Variants in ENOX1 observed in about 807,000 individuals in gnomAD.
The protein encoded by ENOX1 is candidate growth-related and time keeping constitutive hydroquinone (NADH) oxidase.
Under a neutral mutation model 82.5 loss-of-function variants are expected in ENOX1, and 42 were observed. The observed-to-expected ratio is 0.51, with a 90% CI of 0.40 to 0.66. The LOEUF (loss-of-function observed/expected upper bound fraction) is 0.66. Among genes scored for constraint, ENOX1 ranks in the 30% least tolerant of loss-of-function variants. ENOX1 has a pLI of 0.00. For missense variants in ENOX1, 608 were observed against 811.6 expected, an observed-to-expected ratio of 0.75 and a Z score of 3.05; for synonymous variants, 271 against 282.2, an observed-to-expected ratio of 0.96 and a Z score of 0.40.
At chr13:43,670,746 G>A (rs2085221623) in intron 1 of ENOX1, among the ~76,000 whole-genome samples, 1 of 152,108 alleles carries the variant, frequency 6.6e-6, no homozygotes, top group Non-Finnish European at 1.5e-5. Context: ...AGGAGGCTGA[G>A]GCAGGAGAAT....
chr13:43,651,398 A>G (rs567608112), intron 2 of ENOX1, among the ~76,000 whole-genome samples: 97 of 152,218 alleles, frequency 6.4e-4, no homozygotes, highest in African/African-American at 2.2e-3. Flanking sequence ...CCTTGTGATA[A>G]AAGACTTCAC....
rs570329061 is a variant in ENOX1 at position 43,324,663 on chromosome 13, C to T, written c.1143+1756G>A. On this transcript the variant is annotated intron_variant, in intron 10 of 16. Coordinates refer to ENST00000690772, the MANE Select transcript of ENOX1 (RefSeq NM_001347969.2). ...AAAGTAGCAGGAAGGCAAAAAGACCCTTCGCAGGAGCACCTTTGACAGCTG... is the reference window on the plus strand; with the variant it reads ...AAAGTAGCAGGAAGGCAAAAAGACCTTTCGCAGGAGCACCTTTGACAGCTG... Among the ~76,000 whole-genome samples the T allele has an allele frequency of 2.0e-5, 3 of 152,256 alleles. No homozygotes were observed. In the South Asian group the frequency reaches 6.2e-4, roughly 32 times the overall value.
At chr13:43,543,203 C>T (rs1233632532) in intron 2 of ENOX1, among the ~76,000 whole-genome samples, 3 of 151,944 alleles carry the variant, frequency 2.0e-5, no homozygotes, top group Non-Finnish European at 4.4e-5. Context: ...TATAGTGATG[C>T]TTCTCCTGGG....
At chr13:43,664,415 G>A (rs1431392403) in intron 2 of ENOX1, among the ~76,000 whole-genome samples, 11 of 152,148 alleles carry the variant, frequency 7.2e-5, no homozygotes, top group Admixed American at 2.0e-4. Context: ...ATACACATAA[G>A]TTAATTATTA....
intron 14 of ENOX1, among the ~76,000 whole-genome samples, chr13:43,247,196 A>G (rs532830856): frequency 6.6e-6 from 1 of 152,278 alleles, no homozygotes; most frequent in Admixed American, 6.5e-5. Flanking sequence ...TGCGCCTGTA[A>G]TCCCAGCTAC....
chr13:43,425,446 T>A (rs1490485121), intron 3 of ENOX1, among the ~76,000 whole-genome samples: 1 of 152,198 alleles, frequency 6.6e-6, no homozygotes, highest in Non-Finnish European at 1.5e-5. Context: ...CCGTCCCCCA[T>A]TAACACATTC....
intron 12 of ENOX1, among the ~76,000 whole-genome samples, chr13:43,273,908 T>C (rs1415395450): frequency 6.6e-6 from 1 of 152,182 alleles, no homozygotes; most frequent in East Asian, 1.9e-4. Flanking sequence ...ACCTCTAATA[T>C]ATAATAGCTG....
chr13:43,734,540 A>C (rs12431115), intron 1 of ENOX1, among the ~76,000 whole-genome samples: 58,419 of 152,126 alleles, frequency 0.38, 14,408 homozygotes, highest in Non-Finnish European at 0.56. Context: ...TCCTAAGGAA[A>C]TCCTCCTGGA....
intron 1 of ENOX1, among the ~76,000 whole-genome samples, chr13:43,677,095 A>T (rs1215155383): frequency 6.6e-6 from 1 of 151,710 alleles, no homozygotes; most frequent in East Asian, 1.9e-4. Flanking sequence ...TTACTTCTGG[A>T]CACATCACTT....
chr13:43,556,097 C>A (rs570169249), intron 2 of ENOX1, among the ~76,000 whole-genome samples: 1 of 152,266 alleles, frequency 6.6e-6, no homozygotes, highest in South Asian at 2.1e-4. Context: ...CAAAAAGCAT[C>A]CCATGGTGAG....
chr13:43,705,992 A>T (rs553734286), intron 1 of ENOX1, among the ~76,000 whole-genome samples: 1 of 152,098 alleles, frequency 6.6e-6, no homozygotes, highest in East Asian at 1.9e-4. Context: ...ATTTAATAAG[A>T]TATCAATATT....
intron 12 of ENOX1, among the ~76,000 whole-genome samples, chr13:43,296,613 C>T (rs745372034): frequency 1.3e-5 from 2 of 152,174 alleles, no homozygotes; most frequent in African/African-American, 2.4e-5. Flanking sequence ...TTATGAGAAG[C>T]TCCCTTAACT....
intron 2 of ENOX1, among the ~76,000 whole-genome samples, chr13:43,490,634 T>G (rs2076586802): frequency 6.6e-6 from 1 of 152,158 alleles, no homozygotes; most frequent in African/African-American, 2.4e-5. Flanking sequence ...CACACAGCAT[T>G]TGGATAATTG....
chr13:43,684,206 A>G (rs1008380117), intron 1 of ENOX1, among the ~76,000 whole-genome samples: 1 of 151,586 alleles, frequency 6.6e-6, no homozygotes, highest in Non-Finnish European at 1.5e-5. Flanking sequence ...TTAGCCGTTT[A>G]TGAAATTGTC....
At chr13:43,544,183 G>A (rs368443014) in intron 2 of ENOX1, 2 of 152,086 alleles carry the variant, frequency 1.3e-5, no homozygotes, top group East Asian at 3.9e-4. Context: ...CCCAGCCTAA[G>A]CTACTGTCTA....
At chr13:43,775,205 A>C (rs1415100333) in intron 1 of ENOX1, among the ~76,000 whole-genome samples, 2 of 152,112 alleles carry the variant, frequency 1.3e-5, no homozygotes, top group Non-Finnish European at 2.9e-5. Context: ...CTGGAGTATA[A>C]TGGCATGATC....
At chr13:43,559,105 C>A (rs1338941894) in intron 2 of ENOX1, among the ~76,000 whole-genome samples, 1 of 152,176 alleles carries the variant, frequency 6.6e-6, no homozygotes, top group African/African-American at 2.4e-5. Flanking sequence ...TCAGCTAAAT[C>A]TGGCAAACTC....
In ENOX1 at chr13:43,296,293, A is replaced by G. The variant is rs143256836; in HGVS notation, c.1446+2053T>C. Among the ~76,000 whole-genome samples the G allele has an allele frequency of 7.9e-4, 121 of 152,310 alleles. No individual in the cohort carries two copies. The Middle Eastern group carries it at 0.014, about 17-fold the overall frequency. ...CAGAGTGGACCCCTAATCCTACATG[A>G]ACAGTGTATTTATAAAAAGCAGAAA... is the stretch of plus-strand genomic sequence containing the variant. On this transcript the variant is annotated intron_variant, in intron 12 of 16. Coordinates refer to ENST00000690772, the MANE Select transcript of ENOX1 (RefSeq NM_001347969.2).
intron 1 of ENOX1, among the ~76,000 whole-genome samples, chr13:43,679,217 A>G (rs1358511114): frequency 6.6e-6 from 1 of 152,156 alleles, no homozygotes; most frequent in African/African-American, 2.4e-5. Context: ...AGGGTTTTTT[A>G]AGTCAGTAGA....
Sources: allele counts gnomAD v4.1 joint callset (sites outside exome capture counted in the v4.1 genomes callset), GRCh38; gene constraint gnomAD v4.1.1; transcripts MANE v1.5; gene names NCBI Gene and HGNC (gene_info 2026-07-23, HGNC 2026-07-21).